Variants in SYNPO2 observed in about 807,000 individuals in gnomAD.
SYNPO2 encodes synaptopodin 2.
SYNPO2 carries 56 observed loss-of-function variants against 85.0 expected under a neutral mutation model. That is an observed-to-expected ratio of 0.66 (90% CI 0.53 to 0.82). SYNPO2 has a LOEUF of 0.82. SYNPO2 is among the 40% of genes least tolerant of loss of function. The pLI, the probability that SYNPO2 is intolerant of heterozygous loss-of-function variation, is 0.00. For missense variants in SYNPO2, 1,575 were observed against 1,534.2 expected (o/e 1.03, Z -0.44); for synonymous variants, 602 against 591.1 (o/e 1.02, Z -0.27).
intron 1 of SYNPO2, among the ~76,000 whole-genome samples, chr4:118,930,294 CAT>C (rs888830153): frequency 7.2e-5 from 11 of 152,286 alleles, no homozygotes; most frequent in African/African-American, 2.2e-4. Flanking sequence ...AGAATTTTAA[CAT>C]AAATTTGATT....
At chr4:118,916,729 C>CTTTTTTTTTTTT (rs199715189) in intron 1 of SYNPO2, among the ~76,000 whole-genome samples, 10 of 117,036 alleles carry the variant, frequency 8.5e-5, no homozygotes, top group East Asian at 2.5e-4. Context: ...ATTTTTCTTT[C>CTTTTTTTTTTTT]TTTTTTTTTT....
intron 1 of SYNPO2, among the ~76,000 whole-genome samples, chr4:118,858,431 G>A (rs192778157): frequency 1.4e-4 from 22 of 152,272 alleles, no homozygotes; most frequent in African/African-American, 5.1e-4. Context: ...AAACGCTGAT[G>A]GATTCCTGTT....
At chr4:119,012,381 T>TC (rs1489750589) in intron 1 of SYNPO2, among the ~76,000 whole-genome samples, 3 of 125,588 alleles carry the variant, frequency 2.4e-5, no homozygotes, top group Admixed American at 8.9e-5. Flanking sequence ...TTTTCTTTTT[T>TC]TTTTTTTTTT....
chr4:118,852,880 A>T (rs1341097428), intron 1 of SYNPO2, among the ~76,000 whole-genome samples: 4 of 152,348 alleles, frequency 2.6e-5, no homozygotes, highest in African/African-American at 7.2e-5. Context: ...TTAAATTTAA[A>T]AACATTGATT....
At position 119,031,544 on chromosome 4, in the gene SYNPO2, G is replaced by T; in HGVS notation, c.2769G>T (p.Val923=). The part of the protein sequence containing the change: ...YSSNVRAPPP[V]AYNPIHSPSY... Reference sequence around the variant, plus strand: ...CCAATGTCCGAGCACCTCCTCCTGTGGCCTATAATCCTATCCACTCGCCGT... The same window carrying T: ...CCAATGTCCGAGCACCTCCTCCTGTTGCCTATAATCCTATCCACTCGCCGT... The change falls in exon 4 of 5, where the codon GTG becomes GTT. Residue 923 remains valine (V), a synonymous_variant. Transcript: ENST00000307142. The T allele has an allele frequency of 6.2e-7, 1 of 1,614,074 alleles. No homozygotes were observed. The highest frequency in any genetic ancestry group is 2.2e-5 in the East Asian group (1 of 44,870).
intron 1 of SYNPO2, among the ~76,000 whole-genome samples, chr4:118,998,997 G>A (rs1480359164): frequency 2.0e-5 from 3 of 152,172 alleles, no homozygotes. Flanking sequence ...GTGTGATCTT[G>A]GGCAAGCCAT....
intron 4 of SYNPO2, chr4:119,032,385 C>G: frequency 1.7e-6 from 2 of 1,186,468 alleles, no homozygotes; most frequent in African/African-American, 1.6e-5. Context: ...CATCAGGAAT[C>G]AGCCTTTATG....
intron 1 of SYNPO2, among the ~76,000 whole-genome samples, chr4:118,995,862 T>TTATCTATCTATCTATCTATC (rs34223926): frequency 2.7e-5 from 4 of 148,302 alleles, no homozygotes; most frequent in Non-Finnish European, 4.5e-5. Flanking sequence ...TCTATTTATC[T>TTATCTATCTATCTATCTATC]TATCTATCTA....
At position 118,960,490 on chromosome 4, in the gene SYNPO2, C is replaced by T. The variant is rs143153875; in HGVS notation, c.106-62940C>T. ...AATGTAAAATTGTAAAATTAGTTTC[C>T]TGTGGCAGGAAACTAATATATTAGG... is the stretch of plus-strand genomic sequence containing the variant. On this transcript the variant is annotated intron_variant, in intron 1 of 4. Coordinates refer to ENST00000307142, the MANE Select transcript of SYNPO2 (RefSeq NM_133477.3). Among the ~76,000 whole-genome samples, 57 of 152,088 alleles carry T rather than the reference C, an allele frequency of 3.7e-4. No homozygotes were observed. The East Asian group carries it at 9.9e-3, about 26-fold the overall frequency.
intron 1 of SYNPO2, among the ~76,000 whole-genome samples, chr4:118,969,963 A>G (rs1187655930): frequency 6.6e-6 from 1 of 152,162 alleles, no homozygotes; most frequent in Non-Finnish European, 1.5e-5. Flanking sequence ...GAAAATATTG[A>G]GCACTTTCAT....
chr4:118,958,513 AC>A (rs931409120), intron 1 of SYNPO2, among the ~76,000 whole-genome samples: 2 of 151,948 alleles, frequency 1.3e-5, no homozygotes, highest in East Asian at 1.9e-4. Flanking sequence ...TACTGTGTTT[AC>A]CCGTTGGGAT....
chr4:118,911,819 C>G (rs939283460), intron 1 of SYNPO2, among the ~76,000 whole-genome samples: 1 of 152,168 alleles, frequency 6.6e-6, no homozygotes, highest in South Asian at 2.1e-4. Flanking sequence ...TTCAGCAACT[C>G]CCCCCCTCCA....
At chr4:118,993,567 C>T (rs1736483490) in intron 1 of SYNPO2, among the ~76,000 whole-genome samples, 1 of 152,126 alleles carries the variant, frequency 6.6e-6, no homozygotes, top group Admixed American at 6.6e-5. Flanking sequence ...AGCAATGTCC[C>T]TCCTTCCTTC....
At chr4:118,959,008 A>C (rs1257290641) in intron 1 of SYNPO2, among the ~76,000 whole-genome samples, 2 of 152,152 alleles carry the variant, frequency 1.3e-5, no homozygotes, top group African/African-American at 4.8e-5. Context: ...TTGACCCTAC[A>C]TGGTATATTT....
intron 4 of SYNPO2, chr4:119,034,456 A>G (rs1440187081): frequency 2.0e-6 from 2 of 985,388 alleles, no homozygotes; most frequent in East Asian, 2.3e-4. Context: ...TTTGGAGTTG[A>G]TAACTAAAGA....
intron 1 of SYNPO2, among the ~76,000 whole-genome samples, chr4:118,900,723 A>ATGTCTGTC (rs1468599787): frequency 1.8e-5 from 2 of 113,258 alleles, no homozygotes; most frequent in African/African-American, 6.4e-5. Flanking sequence ...ATATATATAT[A>ATGTCTGTC]TATATATATG....
rs201080090 is a variant in SYNPO2 at position 118,851,958 on chromosome 4, T to TC, written c.12+1021dup. Among the ~76,000 whole-genome samples the TC allele has an allele frequency of 1.1e-4, 17 of 151,812 alleles. No homozygotes were observed. The East Asian group carries it at 2.7e-3, about 24-fold the overall frequency. On this transcript the variant is annotated intron_variant, in intron 1 of 4. Transcript: ENST00000610556. ...CAAAACTCAGCAAGAGTTTTTTTTTTCCCTAGAGGTTAATTGCAATGTGGA... is the reference window on the plus strand; with the variant it reads ...CAAAACTCAGCAAGAGTTTTTTTTTTCCCCTAGAGGTTAATTGCAATGTGGA...
chr4:118,983,740 C>T (rs1372182157), intron 1 of SYNPO2, among the ~76,000 whole-genome samples: 3 of 152,026 alleles, frequency 2.0e-5, no homozygotes, highest in African/African-American at 7.3e-5. Context: ...TTAACTACCA[C>T]CTCTTTGCTC....
intron 2 of SYNPO2, among the ~76,000 whole-genome samples, chr4:119,026,069 A>C (rs1737926121): frequency 6.6e-6 from 1 of 152,234 alleles, no homozygotes; most frequent in Non-Finnish European, 1.5e-5. Flanking sequence ...TCTTTACGCA[A>C]GAGTACTGGG....
Sources: gnomAD v4.1 joint callset for allele counts (sites outside exome capture counted in the v4.1 genomes callset) on GRCh38, gnomAD v4.1.1 for gene constraint, MANE v1.5 for transcripts, NCBI Gene and HGNC (gene_info 2026-07-23, HGNC 2026-07-21) for gene names.